Variants in ZNF175 observed in about 807,000 individuals in gnomAD.
The protein encoded by ZNF175 is zinc finger protein OTK18.
A neutral mutation model predicts 14.0 loss-of-function variants in ZNF175; 8 were observed. The ratio of observed to expected loss-of-function variants is 0.57; its 90% confidence interval spans 0.34 to 1.03. The LOEUF (loss-of-function observed/expected upper bound fraction) is 1.03, where lower values mean the gene tolerates loss of function less well. Ranked by LOEUF, ZNF175 falls within the 50% of genes least tolerant of loss-of-function variation. ZNF175 has a pLI of 0.03. For missense variants in ZNF175, 764 were observed against 849.5 expected (o/e 0.90, Z 1.25); for synonymous variants, 255 against 296.8 (o/e 0.86, Z 1.45).
intron 2 of ZNF175, chr19:51,573,616 A>C: frequency 1.8e-6 from 1 of 542,868 alleles, no homozygotes. Flanking sequence ...GCCTTGGGTC[A>C]AGAAAGAAGA....
rs548928816 is a variant in ZNF175, at chr19:51,584,121, C to G, written c.295+2239C>G. Among the ~76,000 whole-genome samples the G allele has an allele frequency of 3.9e-5, 6 of 152,264 alleles. 1 individual carries two copies. The South Asian group carries it at 1.0e-3, about 26-fold the overall frequency. On this transcript the variant is annotated intron_variant, in intron 4 of 4. Transcript: ENST00000262259. ...TGGCATTAAATGTTAAAAGTATTAG[C>G]CTTTGTGCATCAATCATGTCTATTT... is the stretch of plus-strand genomic sequence containing the variant.
chr19:51,575,077 T>C (rs1981726389), intron 2 of ZNF175, among the ~76,000 whole-genome samples: 1 of 152,134 alleles, frequency 6.6e-6, no homozygotes, highest in Non-Finnish European at 1.5e-5. Context: ...GTGTTTTAAT[T>C]TGCATTACTT....
In ZNF175 at chr19:51,578,783, A is replaced by C. The variant is rs138341244; in HGVS notation, c.73-2608A>C. Among the ~76,000 whole-genome samples the C allele has an allele frequency of 3.0e-3, 460 of 152,166 alleles. 2 individuals carry two copies. Among genetic ancestry groups the C allele is most frequent in the African/African-American group, 0.011 (442 of 41,524 alleles). On this transcript the variant is annotated intron_variant, in intron 2 of 4. Coordinates refer to ENST00000262259, the MANE Select transcript of ZNF175 (RefSeq NM_007147.4). Reference sequence around the variant, plus strand: ...TCCTGTCTCAAAAAACAAAAACAAAAGACCTGAGAGGTTTACAGGACAATG... The same window carrying C: ...TCCTGTCTCAAAAAACAAAAACAAACGACCTGAGAGGTTTACAGGACAATG...
intron 2 of ZNF175, among the ~76,000 whole-genome samples, chr19:51,580,591 C>T (rs1487918710): frequency 1.3e-5 from 2 of 152,162 alleles, no homozygotes; most frequent in Non-Finnish European, 2.9e-5. Flanking sequence ...CATATCTCTT[C>T]CCTGCACTTA....
intron 2 of ZNF175, among the ~76,000 whole-genome samples, chr19:51,580,306 G>GGTTTATTTTGCAT (rs1981955051): frequency 1.3e-5 from 2 of 152,008 alleles, no homozygotes; most frequent in Non-Finnish European, 2.9e-5. Flanking sequence ...CATATTAGGT[G>GGTTTATTTTGCAT]CACTTTAATA....
In ZNF175 at chr19:51,572,448, T is replaced by G. The variant is rs59361053; in HGVS notation, c.-180-702T>G. 2.6e-3 allele frequency among the ~76,000 whole-genome samples: 401 copies of G among 152,266 alleles called. 16 individuals are homozygous for G. The East Asian group carries it at 0.046, about 17-fold the overall frequency. On this transcript the variant is annotated intron_variant, in intron 1 of 4. Coordinates refer to ENST00000262259, the MANE Select transcript of ZNF175 (RefSeq NM_007147.4). The stretch of plus-strand genomic sequence containing the variant: ...TGGGACAGTGATTTTAAGTTTTAGC[T>G]CTAGTCAGAAGAGGCTGGTCTGTGT...
At position 51,588,417 on chromosome 19, in the gene ZNF175, G is replaced by C; in HGVS notation, c.2086G>C (p.Asp696His). ...FNKHQTTHTR[D>H]KSYKCSYSVK... ...TAAACACCAAACAACTCATACCAGA[G>C]ACAAATCTTACAAATGCAGTTATTC... Residue 696 changes from aspartate (D) to histidine (H), a missense_variant, in exon 5 of 5, where the codon GAC (aspartate) becomes CAC (histidine). Physicochemically the swap from Asp to His is moderately conservative, Grantham distance 81. Coordinates refer to ENST00000262259, the MANE Select transcript of ZNF175 (RefSeq NM_007147.4). 1.3e-6 allele frequency: 2 copies of C among 1,594,720 alleles called. No individual in the cohort carries two copies. The highest frequency in any genetic ancestry group is 1.7e-6 in the Non-Finnish European group (2 of 1,172,998).
intron 1 of ZNF175, among the ~76,000 whole-genome samples, chr19:51,571,944 G>A (rs1267540218): frequency 6.6e-6 from 1 of 152,204 alleles, no homozygotes; most frequent in Non-Finnish European, 1.5e-5. Flanking sequence ...GGCGTAGGGG[G>A]TCAATGATGG....
At chr19:51,586,582 T>G in intron 4 of ZNF175, 45 bp from the exon 5 acceptor site, 4 of 1,530,080 alleles carry the variant, frequency 2.6e-6, no homozygotes, top group Non-Finnish European at 3.5e-6. Flanking sequence ...GTTTCTCCTC[T>G]TTCTTGTTCA....
At position 51,586,889 on chromosome 19, in the gene ZNF175, C is replaced by T. The variant is rs149230092; in HGVS notation, c.558C>T (p.Pro186=). The T allele has an allele frequency of 4.3e-5, 70 of 1,614,120 alleles. No homozygotes were observed. In the African/African-American group the frequency reaches 7.3e-4, roughly 17 times the overall value. ...KDPGKMIRTR[P]HLASSQKQPQ... ...CTGGGAAAATGATTCGCACGAGGCC[C>T]CACCTTGCTTCTTCACAGAAACAAC... The change falls in exon 5 of 5, where the codon CCC becomes CCT. Residue 186 remains proline, a synonymous_variant. Transcript: ENST00000262259.
chr19:51,573,045 TTGTCTACTCCAA>T (rs1981646016), intron 1 of ZNF175, 93 bp from the exon 2 acceptor site: 5 of 395,334 alleles, frequency 1.3e-5, no homozygotes, highest in Non-Finnish European at 2.2e-5. Context: ...TTTCTGAACT[TTGTCTACTCCAA>T]TGTCTGACAC....
intron 1 of ZNF175, among the ~76,000 whole-genome samples, chr19:51,571,680 A>G (rs190575996): frequency 6.6e-6 from 1 of 152,302 alleles, no homozygotes; most frequent in East Asian, 1.9e-4. Flanking sequence ...TGGTCCACGA[A>G]ACTTGCTAAC....
At position 51,589,995 on chromosome 19, in the gene ZNF175, TC is replaced by T. The variant is rs1478046396; in HGVS notation, c.*1529del. 1.0e-5 allele frequency: 2 copies of T among 190,552 alleles called. No individual in the cohort carries two copies. Among genetic ancestry groups the T allele is most frequent in the East Asian group, 2.5e-4 (2 of 7,922 alleles). 11.8% of individuals were successfully genotyped at this position (190,552 alleles called of 1,614,324 possible). A position where few individuals can be genotyped will look rare whatever the true frequency, so the allele number is the denominator to read the frequency against. ...CTTACGTGTGTGGATGGTATTTTTT[TC>T]ATTCTACAATCCATGATGGATTGTA... On this transcript the variant is annotated 3_prime_UTR_variant, in exon 5 of 5. Coordinates refer to ENST00000262259, the MANE Select transcript of ZNF175 (RefSeq NM_007147.4).
chr19:51,585,110 G>T (rs1018292341), intron 4 of ZNF175, among the ~76,000 whole-genome samples: 5 of 152,188 alleles, frequency 3.3e-5, no homozygotes, highest in African/African-American at 1.2e-4. Flanking sequence ...ACAAAATGTG[G>T]TCTATACATA....
At position 51,581,388 on chromosome 19, in the gene ZNF175, C is replaced by T; in HGVS notation, c.73-3C>T. The T allele has an allele frequency of 1.9e-6, 3 of 1,614,186 alleles. No individual in the cohort carries two copies. Among genetic ancestry groups the T allele is most frequent in the Middle Eastern group, 1.6e-4 (1 of 6,062 alleles). On this transcript the variant is annotated splice_region_variant and splice_polypyrimidine_tract_variant and intron_variant, in intron 2 of 4. Transcript: ENST00000262259. ...CACAGTGAGCTGGGGTACACTGTTA[C>T]AGGCATCAGTGTCATTTGAGGACGT...
Position 51,587,948 on chromosome 19 carries a change from C to G in ZNF175, c.1617C>G (p.Ala539=), listed in dbSNP as rs1982226407. ...RHHVCSECGK[A]FNQKSILSMH... Reference sequence around the variant, plus strand: ...ATGTATGCAGTGAATGCGGGAAAGCCTTCAACCAGAAGTCAATACTCAGCA... The same window carrying G: ...ATGTATGCAGTGAATGCGGGAAAGCGTTCAACCAGAAGTCAATACTCAGCA... The change falls in exon 5 of 5, where the codon GCC becomes GCG. Residue 539 remains alanine (A), a synonymous_variant. Coordinates refer to ENST00000262259, the MANE Select transcript of ZNF175 (RefSeq NM_007147.4). 5 of 1,614,062 alleles carry G rather than the reference C, an allele frequency of 3.1e-6. No homozygotes were observed. In the Admixed American group the frequency reaches 8.3e-5, roughly 27 times the overall value.
intron 2 of ZNF175, among the ~76,000 whole-genome samples, chr19:51,574,550 C>T (rs1477878566): frequency 6.6e-6 from 1 of 152,074 alleles, no homozygotes; most frequent in Non-Finnish European, 1.5e-5. Flanking sequence ...CACCTGTAGT[C>T]CCAGCTACTG....
At chr19:51,572,342 G>A (rs1237232725) in intron 1 of ZNF175, among the ~76,000 whole-genome samples, 1 of 152,166 alleles carries the variant, frequency 6.6e-6, no homozygotes, top group Non-Finnish European at 1.5e-5. Context: ...TGCGGTGGGG[G>A]CAACTTATTG....
intron 4 of ZNF175, among the ~76,000 whole-genome samples, chr19:51,585,995 T>C (rs143799645): frequency 2.0e-5 from 3 of 152,330 alleles, no homozygotes; most frequent in Non-Finnish European, 2.9e-5. Flanking sequence ...GGCATAGTCA[T>C]TCTTTCACTG....
Sources: gnomAD v4.1 joint callset for allele counts (sites outside exome capture counted in the v4.1 genomes callset) on GRCh38, gnomAD v4.1.1 for gene constraint, MANE v1.5 for transcripts, NCBI Gene and HGNC (gene_info 2026-07-23, HGNC 2026-07-21) for gene names.